PPARGC1A: variants seen among roughly 807,000 people sequenced by gnomAD.
The protein encoded by PPARGC1A is peroxisome proliferator-activated receptor gamma coactivator 1-alpha.
In PPARGC1A, 25 loss-of-function variants were observed where a neutral mutation model predicts 88.7. The ratio of observed to expected loss-of-function variants is 0.28; its 90% CI spans 0.21 to 0.39. PPARGC1A has a LOEUF of 0.39. Among genes scored for constraint, PPARGC1A ranks in the 10% least tolerant of loss-of-function variants. The probability of loss-of-function intolerance (pLI) is 1.00; values close to 1 mark genes in which losing one functional copy is unlikely to be tolerated. For synonymous variants in PPARGC1A, 363 were observed against 355.6 expected (o/e 1.02, Z -0.24); for missense variants, 880 against 968.7 (o/e 0.91, Z 1.22).
the PPARGC1A span, among the ~76,000 whole-genome samples, chr4:23,930,330 A>C: frequency 6.6e-6 from 1 of 152,210 alleles, no homozygotes; most frequent in African/African-American, 2.4e-5. Context: ...AATAAATTAT[A>C]GCATTTCTTA....
At chr4:24,167,425 T>C in the PPARGC1A span, among the ~76,000 whole-genome samples, 149 of 152,340 alleles carry the variant, frequency 9.8e-4, no homozygotes, top group South Asian at 2.1e-3. Context: ...GAATATTACA[T>C]AAACTTAGTT....
the PPARGC1A span, among the ~76,000 whole-genome samples, chr4:24,161,293 C>T: frequency 1.3e-5 from 2 of 152,188 alleles, no homozygotes; most frequent in Non-Finnish European, 2.9e-5. Context: ...AGCTTTTGCT[C>T]ATAATTAGGA....
chr4:23,861,468 C>A (rs1018346523), intron 2 of PPARGC1A, among the ~76,000 whole-genome samples: 9 of 152,096 alleles, frequency 5.9e-5, no homozygotes, highest in African/African-American at 2.2e-4. Flanking sequence ...TACTGAGTAC[C>A]TTTTATGGAC....
chr4:24,161,184 A>G, the PPARGC1A span, among the ~76,000 whole-genome samples: 1 of 152,208 alleles, frequency 6.6e-6, no homozygotes, highest in Non-Finnish European at 1.5e-5. Flanking sequence ...TAAATGATGC[A>G]GGTCCCCCTT....
At chr4:23,803,025 A>C (rs1187175136) in intron 10 of PPARGC1A, among the ~76,000 whole-genome samples, 1 of 152,194 alleles carries the variant, frequency 6.6e-6, no homozygotes, top group East Asian at 1.9e-4. Flanking sequence ...CTTGATTATG[A>C]ATCAAAATTG....
chr4:24,009,717 A>G, the PPARGC1A span, among the ~76,000 whole-genome samples: 823 of 152,296 alleles, frequency 5.4e-3, 37 homozygotes, highest in East Asian at 0.088. Flanking sequence ...GAACACAACA[A>G]CATTGGAGTC....
the PPARGC1A span, among the ~76,000 whole-genome samples, chr4:24,470,984 G>C: frequency 2.0e-5 from 3 of 151,496 alleles, no homozygotes; most frequent in South Asian, 2.1e-4. This position sits in a 1 kb window ranked among gnomAD's most constrained non-coding sequence, Gnocchi z 5.8. Flanking sequence ...CTTCTCTGCC[G>C]GGAGCTCGCA....
intron 10 of PPARGC1A, among the ~76,000 whole-genome samples, chr4:23,809,487 T>C (rs920529423): frequency 1.3e-5 from 2 of 152,202 alleles, no homozygotes; most frequent in Non-Finnish European, 2.9e-5. Context: ...ATATACCTTA[T>C]TCTTTTTTAG....
At chr4:23,832,439 T>C (rs1057237847) in intron 2 of PPARGC1A, among the ~76,000 whole-genome samples, 1 of 152,156 alleles carries the variant, frequency 6.6e-6, no homozygotes. Flanking sequence ...TCTTTTGACT[T>C]CTTTAGTTTG....
chr4:24,079,153 C>A, the PPARGC1A span, among the ~76,000 whole-genome samples: 1 of 151,904 alleles, frequency 6.6e-6, no homozygotes, highest in African/African-American at 2.4e-5. Context: ...AGAACTATTT[C>A]TAGAATAATA....
the PPARGC1A span, among the ~76,000 whole-genome samples, chr4:24,077,619 C>G: frequency 8.0e-6 from 1 of 125,468 alleles, no homozygotes; most frequent in Non-Finnish European, 1.7e-5. Context: ...AATGATGTGT[C>G]TAGGGGTGTG....
At chr4:24,289,486 G>A in the PPARGC1A span, among the ~76,000 whole-genome samples, 1 of 152,074 alleles carries the variant, frequency 6.6e-6, no homozygotes, top group Non-Finnish European at 1.5e-5. Context: ...TTCTCTCCTC[G>A]ACACTTCCCC....
At chr4:24,434,949 T>G in the PPARGC1A span, among the ~76,000 whole-genome samples, 1 of 152,332 alleles carries the variant, frequency 6.6e-6, no homozygotes, top group East Asian at 1.9e-4. Flanking sequence ...ACTTTACAGC[T>G]CAGGACCTTT....
At chr4:24,055,186 G>C in the PPARGC1A span, among the ~76,000 whole-genome samples, 1 of 152,242 alleles carries the variant, frequency 6.6e-6, no homozygotes, top group Non-Finnish European at 1.5e-5. Flanking sequence ...TTGGGTTCCA[G>C]CCCGTATCTG....
the PPARGC1A span, among the ~76,000 whole-genome samples, chr4:24,002,221 G>A: frequency 0.021 from 3,254 of 152,076 alleles, 58 homozygotes; most frequent in Middle Eastern, 0.051. Flanking sequence ...CTGCCTCCTG[G>A]GGTTCAAGCC....
At chr4:24,197,782 G>A in the PPARGC1A span, among the ~76,000 whole-genome samples, 3 of 152,178 alleles carry the variant, frequency 2.0e-5, no homozygotes, top group Non-Finnish European at 2.9e-5. Context: ...AGAAGTCATC[G>A]AGCTGCCAGT....
chr4:23,835,917 C>T (rs958313824), intron 2 of PPARGC1A, among the ~76,000 whole-genome samples: 3 of 152,036 alleles, frequency 2.0e-5, no homozygotes, highest in Non-Finnish European at 2.9e-5. Context: ...ATGTCACTTC[C>T]CATTATTGCT....
chr4:24,393,146 A>G, the PPARGC1A span, among the ~76,000 whole-genome samples: 1 of 152,122 alleles, frequency 6.6e-6, no homozygotes, highest in Non-Finnish European at 1.5e-5. Flanking sequence ...CAAAATATTT[A>G]TGCTGAAGAA....
the PPARGC1A span, among the ~76,000 whole-genome samples, chr4:24,063,946 G>A: frequency 6.6e-6 from 1 of 152,128 alleles, no homozygotes; most frequent in South Asian, 2.1e-4. Context: ...GGCCCGCCTG[G>A]CAGTCTGCTG....
Sources: gnomAD v4.1 joint callset for allele counts (sites outside exome capture counted in the v4.1 genomes callset) on GRCh38, gnomAD v4.1.1 for gene constraint, Gnocchi (gnomAD v3.1) non-coding constraint, MANE v1.5 for transcripts, NCBI Gene and HGNC (gene_info 2026-07-23, HGNC 2026-07-21) for gene names.